Variants in IL1RAPL1 observed in about 807,000 individuals in gnomAD.
IL1RAPL1 encodes the protein interleukin-1 receptor accessory protein-like 1.
Under a neutral mutation model 48.4 loss-of-function variants are expected in IL1RAPL1, and 3 were observed. That is an observed-to-expected ratio of 0.06 (90% CI 0.03 to 0.16). The LOEUF (loss-of-function observed/expected upper bound fraction) is 0.16. Among genes scored for constraint, IL1RAPL1 ranks in the 10% least tolerant of loss-of-function variants. IL1RAPL1 has a pLI of 1.00. For synonymous variants in IL1RAPL1, 185 were observed against 187.7 expected (o/e 0.99, Z 0.12); for missense variants, 349 against 530.6 (o/e 0.66, Z 3.36).
chrX:29,393,203 G>A (rs1421212794), intron 3 of IL1RAPL1, among the ~76,000 whole-genome samples: 2 of 111,655 alleles, frequency 1.8e-5, no homozygotes, highest in African/African-American at 3.3e-5. Flanking sequence ...CTCACTGCAA[G>A]CTCCGCCTCC....
chrX:29,697,356 A>G (rs1298826497), intron 6 of IL1RAPL1, among the ~76,000 whole-genome samples: 1 of 112,625 alleles, frequency 8.9e-6, no homozygotes, highest in Admixed American at 9.4e-5. Flanking sequence ...AACTGTAAGA[A>G]TGATCAAAGG....
At chrX:29,908,395 T>TAA (rs1394661250) in intron 6 of IL1RAPL1, among the ~76,000 whole-genome samples, 37 of 103,181 alleles carry the variant, frequency 3.6e-4, no homozygotes, top group South Asian at 2.8e-3. Context: ...TATATATATA[T>TAA]AAGCAAACTT....
chrX:29,181,957 T>C (rs1008754378), intron 2 of IL1RAPL1, among the ~76,000 whole-genome samples: 1 of 111,765 alleles, frequency 8.9e-6, no homozygotes, highest in African/African-American at 3.3e-5. Flanking sequence ...GGCAAACAAC[T>C]GCTAAAGCCC....
At chrX:29,713,973 A>G (rs777810917) in intron 6 of IL1RAPL1, among the ~76,000 whole-genome samples, 4 of 112,065 alleles carry the variant, frequency 3.6e-5, no homozygotes, top group African/African-American at 1.3e-4. Flanking sequence ...TACACAGAGA[A>G]TGAATTCTTT....
At chrX:29,771,630 A>G (rs1164723698) in intron 6 of IL1RAPL1, among the ~76,000 whole-genome samples, 2 of 111,975 alleles carry the variant, frequency 1.8e-5, no homozygotes, top group Non-Finnish European at 3.8e-5. Flanking sequence ...TTCTTCTACC[A>G]TCAATTCCCA....
At chrX:29,310,617 T>TCA (rs200478233) in intron 3 of IL1RAPL1, among the ~76,000 whole-genome samples, 57 of 96,644 alleles carry the variant, frequency 5.9e-4, no homozygotes, top group African/African-American at 7.9e-4. Flanking sequence ...AATTGAGAAA[T>TCA]CACACACACA....
intron 5 of IL1RAPL1, among the ~76,000 whole-genome samples, chrX:29,481,597 G>T (rs748568983): frequency 8.9e-6 from 1 of 111,769 alleles, no homozygotes; most frequent in Non-Finnish European, 1.9e-5. Flanking sequence ...AGATCTAGAG[G>T]TGTTCTGAGG....
In IL1RAPL1 at chrX:29,939,494, G is replaced by A. The variant is rs189668599; in HGVS notation, c.1058-2157G>A. Among the ~76,000 whole-genome samples the A allele has an allele frequency of 1.7e-4, 19 of 111,659 alleles. No homozygotes were observed. The East Asian group carries it at 3.1e-3, about 18-fold the overall frequency. ...CCAATGTATCCCCACAGGATTAGCCGCTCACCCTTTCTGTTCATATAATAG... is the reference window on the plus strand; with the variant it reads ...CCAATGTATCCCCACAGGATTAGCCACTCACCCTTTCTGTTCATATAATAG... On this transcript the variant is annotated intron_variant, in intron 8 of 10. Coordinates refer to ENST00000378993, the MANE Select transcript of IL1RAPL1 (RefSeq NM_014271.4).
intron 2 of IL1RAPL1, among the ~76,000 whole-genome samples, chrX:28,887,137 A>C (rs1826106023): frequency 9.0e-6 from 1 of 111,164 alleles, no homozygotes; most frequent in South Asian, 3.8e-4. Context: ...TTGTATTGAG[A>C]GGTGGAGCCT....
intron 1 of IL1RAPL1, among the ~76,000 whole-genome samples, chrX:28,599,764 G>A (rs1933999839): frequency 8.9e-6 from 1 of 111,734 alleles, no homozygotes; most frequent in Admixed American, 9.5e-5. Context: ...GTTCAATTGG[G>A]CTCCCTGGAA....
At chrX:29,261,200 A>AAC (rs1486683461) in intron 2 of IL1RAPL1, among the ~76,000 whole-genome samples, 1 of 110,347 alleles carries the variant, frequency 9.1e-6, no homozygotes, top group Admixed American at 9.8e-5. Flanking sequence ...TAATGGCTGC[A>AAC]ACACATGCCA....
At chrX:29,944,149 T>C (rs1933178402) in intron 9 of IL1RAPL1, among the ~76,000 whole-genome samples, 1 of 111,728 alleles carries the variant, frequency 9.0e-6, no homozygotes, top group South Asian at 3.7e-4. Context: ...GATAACAAAC[T>C]TAACTGTCAT....
intron 6 of IL1RAPL1, among the ~76,000 whole-genome samples, chrX:29,903,181 TGTGA>T (rs1254024139): frequency 7.3e-5 from 7 of 95,679 alleles, no homozygotes; most frequent in African/African-American, 2.6e-4. Flanking sequence ...TGTGTGTGTG[TGTGA>T]GAGAGAGAGA....
chrX:29,479,099 T>C (rs1398821742), intron 5 of IL1RAPL1, among the ~76,000 whole-genome samples: 1 of 109,728 alleles, frequency 9.1e-6, no homozygotes, highest in Non-Finnish European at 1.9e-5. Flanking sequence ...TGTAGTATCT[T>C]TTAAATGAAC....
At position 29,920,401 on chromosome X, in the gene IL1RAPL1, C is replaced by T. The variant is rs192749441; in HGVS notation, c.1057+307C>T. On this transcript the variant is annotated intron_variant, in intron 8 of 10. Transcript: ENST00000378993. ...AATGGGGAAAATAATAGTATCAACC[C>T]TTCAGTATGTTGTCAGAATAAAATA... is the stretch of plus-strand genomic sequence containing the variant. Among the ~76,000 whole-genome samples the T allele has an allele frequency of 3.0e-3, 338 of 111,325 alleles. No individual in the cohort carries two copies. The highest frequency in any genetic ancestry group is 9.8e-3 in the African/African-American group (301 of 30,637).
chrX:28,681,071 G>A (rs1405519724), intron 1 of IL1RAPL1, among the ~76,000 whole-genome samples: 1 of 111,493 alleles, frequency 9.0e-6, no homozygotes, highest in East Asian at 2.8e-4. Flanking sequence ...GAAGGTTTTT[G>A]ATTACTGATT....
At chrX:29,553,589 A>G (rs1451783256) in intron 5 of IL1RAPL1, among the ~76,000 whole-genome samples, 1 of 111,906 alleles carries the variant, frequency 8.9e-6, no homozygotes, top group Admixed American at 9.5e-5. Flanking sequence ...GGAAAACCAG[A>G]GGGAGCTGGA....
chrX:29,392,119 C>G (rs1933861709), intron 3 of IL1RAPL1, among the ~76,000 whole-genome samples: 1 of 111,583 alleles, frequency 9.0e-6, no homozygotes, highest in Admixed American at 9.6e-5. Flanking sequence ...GTAAATAACT[C>G]TGTTTTCTCT....
At chrX:29,064,643 G>A (rs1342533761) in intron 2 of IL1RAPL1, among the ~76,000 whole-genome samples, 2 of 111,181 alleles carry the variant, frequency 1.8e-5, no homozygotes, top group Non-Finnish European at 1.9e-5. Context: ...GTGCAGTGGC[G>A]CGATCTCGGC....
Sources: allele counts gnomAD v4.1 joint callset (sites outside exome capture counted in the v4.1 genomes callset), GRCh38; gene constraint gnomAD v4.1.1; transcripts MANE v1.5; gene names NCBI Gene and HGNC (gene_info 2026-07-23, HGNC 2026-07-21).